Variants in CCDC171 observed in about 807,000 individuals in gnomAD.
CCDC171 encodes the protein coiled-coil domain containing 171.
Under a neutral mutation model 168.2 loss-of-function variants are expected in CCDC171, and 177 were observed. The ratio of observed to expected loss-of-function variants is 1.05; its 90% confidence interval spans 0.93 to 1.19. CCDC171 has a LOEUF of 1.19. Ranked by LOEUF, CCDC171 falls within the 50% of genes most tolerant of loss-of-function variation. The pLI is 0.00. For synonymous variants in CCDC171, 687 were observed against 540.8 expected (o/e 1.27, Z -3.75); for missense variants, 1,991 against 1,539.0 (o/e 1.29, Z -4.91).
At chr9:16,062,836 C>T (rs1439251541), downstream of CCDC171, among the ~76,000 whole-genome samples, 2 of 152,118 alleles carry the variant, frequency 1.3e-5, no homozygotes, top group Admixed American at 6.5e-5. Context: ...CTTGGAGATC[C>T]TTGAAGGATG....
chr9:15,562,740 G>A (rs887806650), intron 1 of CCDC171, among the ~76,000 whole-genome samples: 1 of 152,108 alleles, frequency 6.6e-6, no homozygotes, highest in African/African-American at 2.4e-5. Context: ...AACATTTCAT[G>A]TATGTGTTTT....
rs34512340 is a variant in CCDC171, at chr9:15,804,462, C to CTTT, written c.3267+19776_3267+19778dup. 1.4e-4 allele frequency among the ~76,000 whole-genome samples: 21 copies of CTTT among 147,908 alleles called. No homozygotes were observed. The South Asian group carries it at 1.9e-3, about 14-fold the overall frequency. ...AGAGATGTTGAATTTTATCGAAGGC[C>CTTT]TTTTTTTTTTGCATCTATTGAGATG... is the stretch of plus-strand genomic sequence containing the variant. On this transcript the variant is annotated intron_variant, in intron 21 of 25. Coordinates refer to ENST00000380701, the MANE Select transcript of CCDC171 (RefSeq NM_173550.4).
intron 21 of CCDC171, among the ~76,000 whole-genome samples, chr9:15,824,887 G>T (rs2059948962): frequency 6.6e-6 from 1 of 152,016 alleles, no homozygotes; most frequent in South Asian, 2.1e-4. Context: ...TTATCTACAT[G>T]GCTTTAGATG....
intron 7 of CCDC171, among the ~76,000 whole-genome samples, chr9:15,655,398 GT>G (rs1378847400): frequency 6.6e-6 from 1 of 152,004 alleles, no homozygotes; most frequent in African/African-American, 2.4e-5. Context: ...CTGTTTTTCT[GT>G]CCCGAACAGA....
the CCDC171 span, among the ~76,000 whole-genome samples, chr9:16,091,669 A>G: frequency 1.3e-5 from 2 of 152,174 alleles, no homozygotes; most frequent in Non-Finnish European, 2.9e-5. Flanking sequence ...TGAGCTGGGA[A>G]TACCTGCAGT....
chr9:15,631,564 G>A (rs1368703356), intron 7 of CCDC171, among the ~76,000 whole-genome samples: 1 of 152,168 alleles, frequency 6.6e-6, no homozygotes, highest in African/African-American at 2.4e-5. Context: ...GGATCAGTTG[G>A]ATTCACAGCC....
chr9:16,056,418 T>C (rs1564138231), intron 1 of CCDC171, among the ~76,000 whole-genome samples: 2 of 152,240 alleles, frequency 1.3e-5, no homozygotes, highest in South Asian at 2.1e-4. Context: ...TTAATTTAAA[T>C]TGAAATTCAA....
chr9:15,609,570 T>C (rs917066921), intron 6 of CCDC171, among the ~76,000 whole-genome samples: 1 of 152,220 alleles, frequency 6.6e-6, no homozygotes, highest in Non-Finnish European at 1.5e-5. Context: ...CCTGTACTAG[T>C]TATTCAATTG....
At chr9:16,095,548 C>T in the CCDC171 span, among the ~76,000 whole-genome samples, 1 of 152,022 alleles carries the variant, frequency 6.6e-6, no homozygotes, top group Non-Finnish European at 1.5e-5. Flanking sequence ...CTCTTTCTCT[C>T]TCTCTCTCGC....
rs931900335 is a variant in CCDC171, at chr9:15,973,287, A to G, written c.*1451A>G. 1 of 152,178 alleles carries G rather than the reference A, an allele frequency of 6.6e-6. No individual in the cohort carries two copies. Among genetic ancestry groups the G allele is most frequent in the Non-Finnish European group, 1.5e-5 (1 of 68,026 alleles). The allele number at this position is 152,178 out of a possible 1,614,324, so 9.4% of individuals were successfully genotyped here. A position where few individuals can be genotyped will look rare whatever the true frequency, so the allele number is the denominator to read the frequency against. ...TGGAATCTTTCATTATGGATACATT[A>G]GAGTATAACAGTATGTATTACAGAA... On this transcript the variant is annotated 3_prime_UTR_variant, in exon 26 of 26. Transcript: ENST00000380701.
chr9:15,773,531 A>G (rs1372837600), intron 18 of CCDC171, among the ~76,000 whole-genome samples: 1 of 152,212 alleles, frequency 6.6e-6, no homozygotes. Flanking sequence ...GACACATTTT[A>G]TTAAATAGGA....
intron 16 of CCDC171, among the ~76,000 whole-genome samples, chr9:15,734,803 T>A (rs1053829597): frequency 6.6e-6 from 1 of 152,176 alleles, no homozygotes; most frequent in Non-Finnish European, 1.5e-5. Flanking sequence ...TAATACATTT[T>A]CAAAAATTAT....
chr9:15,965,946 C>T (rs1002445566), intron 25 of CCDC171, among the ~76,000 whole-genome samples: 13 of 152,074 alleles, frequency 8.5e-5, no homozygotes, highest in African/African-American at 2.7e-4. Flanking sequence ...TGTGAAATAA[C>T]AAAATAACAA....
In CCDC171 at chr9:15,779,987, C is replaced by A. The variant is rs533951925; in HGVS notation, c.3081+837C>A. 2.0e-5 allele frequency among the ~76,000 whole-genome samples: 3 copies of A among 152,322 alleles called. No individual in the cohort carries two copies. In the South Asian group the frequency reaches 6.2e-4, roughly 32 times the overall value. ...ACCCTGAAACTTCAAGACTGTACAA[C>A]TTAAAACAGCTACTATAACTTCAGT... On this transcript the variant is annotated intron_variant, in intron 20 of 25. Coordinates refer to ENST00000380701, the MANE Select transcript of CCDC171 (RefSeq NM_173550.4).
intron 10 of CCDC171, among the ~76,000 whole-genome samples, chr9:15,689,134 A>G (rs2050611632): frequency 1.3e-5 from 2 of 152,236 alleles, no homozygotes; most frequent in Admixed American, 1.3e-4. Flanking sequence ...AAAGAATATA[A>G]TACTTAGGAA....
chr9:16,049,042 C>G (rs764520801), intron 1 of CCDC171, among the ~76,000 whole-genome samples: 1 of 151,664 alleles, frequency 6.6e-6, no homozygotes, highest in Non-Finnish European at 1.5e-5. Flanking sequence ...AGTCTAAAAT[C>G]CTTAACATCT....
intron 3 of CCDC171, among the ~76,000 whole-genome samples, chr9:16,015,665 A>C (rs547486657): frequency 6.6e-6 from 1 of 152,284 alleles, no homozygotes; most frequent in South Asian, 2.1e-4. Flanking sequence ...AACCATTTTA[A>C]GTGTAAAGTT....
chr9:15,880,722 C>T (rs756503166), intron 24 of CCDC171, among the ~76,000 whole-genome samples: 59 of 151,668 alleles, frequency 3.9e-4, no homozygotes, highest in Admixed American at 2.9e-3. Context: ...GTGATTCACC[C>T]GCCTCAGCCT....
chr9:15,989,772 G>A (rs1228251364), intron 3 of CCDC171, among the ~76,000 whole-genome samples: 1 of 152,084 alleles, frequency 6.6e-6, no homozygotes, highest in Non-Finnish European at 1.5e-5. Flanking sequence ...CGAGAACTAG[G>A]TGACAAATGC....
Sources: gnomAD v4.1 joint callset for allele counts (sites outside exome capture counted in the v4.1 genomes callset) on GRCh38, gnomAD v4.1.1 for gene constraint, MANE v1.5 for transcripts, NCBI Gene and HGNC (gene_info 2026-07-23, HGNC 2026-07-21) for gene names.